CSF2RA: variants seen among roughly 807,000 people sequenced by gnomAD.
CSF2RA encodes the protein granulocyte-macrophage colony-stimulating factor receptor subunit alpha.
Under a neutral mutation model 51.6 loss-of-function variants are expected in CSF2RA, and 42 were observed. The ratio of observed to expected loss-of-function variants is 0.81; its 90% CI spans 0.64 to 1.05. CSF2RA has a LOEUF of 1.05. CSF2RA is among the 50% of genes least tolerant of loss of function. The pLI, the probability that CSF2RA is intolerant of heterozygous loss-of-function variation, is 0.00. For synonymous variants in CSF2RA, 222 were observed against 193.0 expected, an observed-to-expected ratio of 1.15 and a Z score of -1.24; for missense variants, 530 against 501.1, an observed-to-expected ratio of 1.06 and a Z score of -0.55.
chrX:1,300,487 A>G lies in CSF2RA; in HGVS notation c.811-4A>G, dbSNP rs1182113966. On this transcript the variant is annotated splice_polypyrimidine_tract_variant and splice_region_variant and intron_variant, in intron 9 of 12. Transcript: ENST00000381529. ...TATCTCTAACTTTCTTTTTTCCTCC[A>G]AAGATTAATGTTTCTGGTGATTTGG... 11 of 1,613,800 alleles carry G rather than the reference A, an allele frequency of 6.8e-6. No homozygotes were observed. The Admixed American group carries it at 1.2e-4, about 17-fold the overall frequency.
chrX:1,277,976 CA>C (rs1329295237), intron 2 of CSF2RA, among the ~76,000 whole-genome samples: 1,328 of 105,028 alleles, frequency 0.013, 13 homozygotes, highest in Middle Eastern at 0.035. Context: ...GACTCAGTCT[CA>C]AAAAAAAAAA....
chrX:1,314,963 C>CCCCACGGCACCTGCCCAAT (rs1302095618), downstream of CSF2RA, among the ~76,000 whole-genome samples: 10 of 108,286 alleles, frequency 9.2e-5, 1 homozygote, highest in South Asian at 2.9e-3. Flanking sequence ...GCCTGCCCAA[C>CCCCACGGCACCTGCCCAAT]CCCACTGTGC....
intron 2 of CSF2RA, among the ~76,000 whole-genome samples, chrX:1,279,286 G>A (rs1478027557): frequency 6.6e-6 from 1 of 151,776 alleles, no homozygotes; most frequent in Non-Finnish European, 1.5e-5. Flanking sequence ...GGAGACGGAG[G>A]TTGCAGTGAG....
At position 1,285,754 on chromosome X, in the gene CSF2RA, G is replaced by C. The variant is rs757575394; in HGVS notation, c.77-24G>C. 5 of 1,145,322 alleles carry C rather than the reference G, an allele frequency of 4.4e-6. No homozygotes were observed. In the South Asian group the frequency reaches 6.2e-5, roughly 14 times the overall value. The allele number at this position is 1,145,322 out of a possible 1,614,324, so 70.9% of individuals were successfully genotyped here. Reference sequence around the variant, plus strand: ...AAAGGAAAAGAAAAGAGGAAATTCTGAACCCAGTGCCCGCTCCTTGCAGAT... The same window carrying C: ...AAAGGAAAAGAAAAGAGGAAATTCTCAACCCAGTGCCCGCTCCTTGCAGAT... On this transcript the variant is annotated intron_variant, in intron 3 of 12. Transcript: ENST00000381529.
At chrX:1,301,350 A>AAAG (rs1556559053) in intron 10 of CSF2RA, among the ~76,000 whole-genome samples, 18 of 146,894 alleles carry the variant, frequency 1.2e-4, no homozygotes, top group African/African-American at 4.7e-4. Context: ...AAAAAAAAAA[A>AAAG]AAAAGAAAAA....
the CSF2RA span, among the ~76,000 whole-genome samples, chrX:1,319,213 G>A: frequency 1.3e-5 from 2 of 149,272 alleles, no homozygotes; most frequent in Non-Finnish European, 3.0e-5. Flanking sequence ...CCAGGCTGGT[G>A]TTGAACTCCT....
chrX:1,285,039 T>G (rs1480283410), intron 3 of CSF2RA, among the ~76,000 whole-genome samples: 4 of 151,410 alleles, frequency 2.6e-5, no homozygotes, highest in Non-Finnish European at 5.9e-5. Context: ...ATGTGCACCA[T>G]CACACCTGCC....
chrX:1,314,463 G>GCCCAACCCCAATGCACCTA (rs1259916655), downstream of CSF2RA, among the ~76,000 whole-genome samples: 2 of 145,696 alleles, frequency 1.4e-5, no homozygotes, highest in African/African-American at 2.6e-5. Flanking sequence ...CACTGCACCT[G>GCCCAACCCCAATGCACCTA]CCCAACCCCA....
At chrX:1,311,443 T>G, downstream of CSF2RA, among the ~76,000 whole-genome samples, 1 of 150,038 alleles carries the variant, frequency 6.7e-6, no homozygotes, top group Middle Eastern at 3.4e-3. Flanking sequence ...ACCTGTTTGT[T>G]TTTTTTTTTA....
At chrX:1,317,571 TTA>T in the CSF2RA span, among the ~76,000 whole-genome samples, 2,179 of 122,396 alleles carry the variant, frequency 0.018, 71 homozygotes, top group African/African-American at 0.078. Flanking sequence ...TTATTTTATT[TTA>T]TTTTTTTTTT....
At chrX:1,290,298 T>C in intron 6 of CSF2RA, 39 bp from the exon 7 acceptor site, 6 of 1,550,864 alleles carry the variant, frequency 3.9e-6, no homozygotes, top group Non-Finnish European at 5.3e-6. Context: ...TTTTGTTTTG[T>C]TTTCCTGATT....
At chrX:1,301,152 C>CA (rs1192104789) in intron 10 of CSF2RA, among the ~76,000 whole-genome samples, 38 of 129,378 alleles carry the variant, frequency 2.9e-4, no homozygotes, top group Admixed American at 7.2e-4. Flanking sequence ...GACTCCGTCT[C>CA]AAAAAAAAAA....
At chrX:1,279,125 G>T (rs2089574608) in intron 2 of CSF2RA, among the ~76,000 whole-genome samples, 1 of 148,048 alleles carries the variant, frequency 6.8e-6, no homozygotes. Context: ...CCGAGGCAGG[G>T]GGATTACTTG....
At chrX:1,289,237 C>G (rs751218097) in intron 6 of CSF2RA, 1 of 346,716 alleles carries the variant, frequency 2.9e-6, no homozygotes, top group Non-Finnish European at 5.5e-6. Flanking sequence ...AAGTGATTCT[C>G]CTGCCTCAGC....
chrX:1,296,139 A>G (rs2091929675), intron 9 of CSF2RA, among the ~76,000 whole-genome samples: 1 of 150,202 alleles, frequency 6.7e-6, no homozygotes, highest in African/African-American at 2.5e-5. Context: ...TCCCCTACCC[A>G]TGACCCCTGG....
chrX:1,288,366 G>A lies in CSF2RA; in HGVS notation c.220-153G>A, dbSNP rs748721069. Among the ~76,000 whole-genome samples, 94 of 111,312 alleles carry A rather than the reference G, an allele frequency of 8.4e-4. 1 individual carries two copies. The highest frequency in any genetic ancestry group is 2.4e-3 in the African/African-American group (90 of 37,476). The allele number at this position is 111,312 out of a possible 152,430, so 73.0% of individuals were successfully genotyped here. On this transcript the variant is annotated intron_variant, in intron 4 of 12. Transcript: ENST00000381529. ...GTGTGGTGGCGGGTGTCTGTAATCCGAGCTACTCGGGAGGCTGAGGCGGGA... is the reference window on the plus strand; with the variant it reads ...GTGTGGTGGCGGGTGTCTGTAATCCAAGCTACTCGGGAGGCTGAGGCGGGA...
chrX:1,304,272 C>A lies in CSF2RA; in HGVS notation c.1043+253C>A, dbSNP rs866501515. Among the ~76,000 whole-genome samples the A allele has an allele frequency of 3.7e-5, 3 of 80,878 alleles. 1 individual carries two copies. The highest frequency in any genetic ancestry group is 6.8e-5 in the Non-Finnish European group (3 of 44,032). 53.1% of individuals were successfully genotyped at this position (80,878 alleles called of 152,430 possible). The stretch of plus-strand genomic sequence containing the variant: ...AAAATTAGCCCGGCGTGGTCGCGGG[C>A]GCCTGTAGTCCCAGCTACTCGGGAG... On this transcript the variant is annotated intron_variant, in intron 11 of 12. Coordinates refer to ENST00000381529, the MANE Select transcript of CSF2RA (RefSeq NM_172245.4).
At chrX:1,314,289 T>C (rs1305740858), downstream of CSF2RA, among the ~76,000 whole-genome samples, 20,791 of 38,828 alleles carry the variant, frequency 0.54, 7,367 homozygotes, top group East Asian at 0.58. Context: ...CCCCACTGCA[T>C]CTGCCCAACC....
intron 2 of CSF2RA, 121 bp downstream of exon 2, chrX:1,274,939 G>A (rs1431126455): frequency 4.7e-6 from 2 of 429,544 alleles, no homozygotes; most frequent in Admixed American, 2.6e-5. Context: ...TGAGAACTCA[G>A]GGCAGAAGAA....
Sources: allele counts gnomAD v4.1 joint callset (sites outside exome capture counted in the v4.1 genomes callset), GRCh38; gene constraint gnomAD v4.1.1; transcripts MANE v1.5; gene names NCBI Gene and HGNC (gene_info 2026-07-23, HGNC 2026-07-21).